The following ACACA variants were observed in gnomAD, a reference collection of about 807,000 sequenced individuals.
ACACA encodes the protein acetyl-CoA carboxylase alpha, also known as acetyl-CoA carboxylase 1.
A neutral mutation model predicts 296.1 loss-of-function variants in ACACA; 103 were observed. That is an observed-to-expected ratio of 0.35 (90% CI 0.30 to 0.41). ACACA has a LOEUF of 0.41. Among genes scored for constraint, ACACA ranks in the 10% least tolerant of loss-of-function variants. The pLI is 1.00. For synonymous variants in ACACA, 953 were observed against 1,038.6 expected (o/e 0.92, Z 1.58); for missense variants, 1,554 against 2,989.7 (o/e 0.52, Z 11.20).
At position 37,155,738 on chromosome 17, in the gene ACACA, C is replaced by T. The variant is rs1041740066; in HGVS notation, c.5392G>A (p.Val1798Ile). 4.3e-6 allele frequency: 7 copies of T among 1,611,488 alleles called. No individual in the cohort carries two copies. Among genetic ancestry groups the T allele is most frequent in the African/African-American group, 1.3e-5 (1 of 74,904 alleles). Reference sequence around the variant, plus strand: ...CAATGGACAGAGTTGAGAGCACTGACTCTCTTATAATCTTGAGGAGTCAGA... The same window carrying T: ...CAATGGACAGAGTTGAGAGCACTGATTCTCTTATAATCTTGAGGAGTCAGA... ...LYLTPQDYKR[V>I]SALNSVHCEH... Residue 1798 changes from valine to isoleucine, a missense_variant, in exon 43 of 56, where the codon GTC becomes ATC. Val to Ile is a conservative substitution (Grantham distance 29, BLOSUM62 3). Around this residue, in one of 16 missense-constraint regions of ACACA, gnomAD observed 553 missense variants for 1,043.6 expected, o/e 0.53. Coordinates refer to ENST00000616317, the MANE Select transcript of ACACA (RefSeq NM_198834.3).
rs759528448 is a variant in ACACA, at chr17:37,248,684, C to T, written c.2082-10G>A. ...AGGAAGGACTTGACCCCTGAAAGAA[C>T]GATGAGAGAGGAACTTACTACAAAG... On this transcript the variant is annotated splice_polypyrimidine_tract_variant and intron_variant, in intron 16 of 55. Coordinates refer to ENST00000616317, the MANE Select transcript of ACACA (RefSeq NM_198834.3). The T allele has an allele frequency of 1.3e-5, 20 of 1,587,080 alleles. No individual in the cohort carries two copies. Among genetic ancestry groups the T allele is most frequent in the Middle Eastern group, 1.7e-4 (1 of 6,006 alleles).
At chr17:37,244,193 T>A (rs1290378047) in intron 21 of ACACA, among the ~76,000 whole-genome samples, 1 of 145,552 alleles carries the variant, frequency 6.9e-6, no homozygotes, top group East Asian at 2.0e-4. Flanking sequence ...AAACCCCACC[T>A]CTACTAAAAA....
rs1262587798 is a variant in ACACA at position 37,101,947 on chromosome 17, C to T, written c.6566-3963G>A. Among the ~76,000 whole-genome samples, 5 of 147,002 alleles carry T rather than the reference C, an allele frequency of 3.4e-5. No homozygotes were observed. In the Middle Eastern group the frequency reaches 9.6e-3, roughly 283 times the overall value. On this transcript the variant is annotated intron_variant, in intron 52 of 55. Transcript: ENST00000616317. Reference sequence around the variant, plus strand: ...CCATTTATTGAGCATTTACCACTCACTGCACTCAAATCTTTCAGGATCACA... The same window carrying T: ...CCATTTATTGAGCATTTACCACTCATTGCACTCAAATCTTTCAGGATCACA...
chr17:37,126,131 T>C (rs2074773925), intron 47 of ACACA, among the ~76,000 whole-genome samples: 1 of 152,248 alleles, frequency 6.6e-6, no homozygotes, highest in African/African-American at 2.4e-5. Context: ...GTCAAAAGGC[T>C]GCCAAGTCAT....
At chr17:37,268,741 C>CTATCTATATATATA (rs1219982787) in intron 10 of ACACA, among the ~76,000 whole-genome samples, 39 of 94,494 alleles carry the variant, frequency 4.1e-4, no homozygotes, top group Admixed American at 1.0e-3. Flanking sequence ...ATCTATCTAT[C>CTATCTATATATATA]TATATATATA....
At chr17:37,095,048 T>C (rs1860753222) in intron 54 of ACACA, among the ~76,000 whole-genome samples, 1 of 152,220 alleles carries the variant, frequency 6.6e-6, no homozygotes, top group Non-Finnish European at 1.5e-5. Context: ...AGCAGGATGC[T>C]AGGGAAAAGC....
chr17:37,248,223 C>T, intron 17 of ACACA, 67 bp from the exon 18 acceptor site: 2 of 1,579,480 alleles, frequency 1.3e-6, no homozygotes, highest in Non-Finnish European at 8.7e-7. Flanking sequence ...AATTTGAATG[C>T]TTCAAAAATA....
rs2081304713 is a variant in ACACA at position 37,258,281 on chromosome 17, A to G, written c.1593T>C (p.Asp531=). ...PWGDSPIDFE[D]SAHVPCPRGH... is the part of the protein sequence containing the mutation. ...CCCTTGGACAAGGAACGTGTGCAGA[A>G]TCTTCAAAATCAATGGGAGAATCAC... The change falls in exon 13 of 56, where the codon GAT becomes GAC. Residue 531 remains aspartate (D), a synonymous_variant. Coordinates refer to ENST00000616317, the MANE Select transcript of ACACA (RefSeq NM_198834.3). 4 of 1,614,158 alleles carry G rather than the reference A, an allele frequency of 2.5e-6. No individual in the cohort carries two copies. Among genetic ancestry groups the G allele is most frequent in the Middle Eastern group, 1.7e-4 (1 of 6,060 alleles).
intron 8 of ACACA, chr17:37,274,774 G>A: frequency 3.8e-6 from 2 of 520,824 alleles, no homozygotes; most frequent in Non-Finnish European, 4.9e-6. Flanking sequence ...TCAGCCATAA[G>A]GGGAACACTA....
At chr17:37,266,076 T>C (rs1450489442) in intron 10 of ACACA, among the ~76,000 whole-genome samples, 1 of 152,146 alleles carries the variant, frequency 6.6e-6, no homozygotes, top group Non-Finnish European at 1.5e-5. Context: ...TGCATAGACC[T>C]CTCTATACTT....
chr17:37,206,794 C>A lies in ACACA; in HGVS notation c.3937G>T (p.Asp1313Tyr). 5 of 1,610,036 alleles carry A rather than the reference C, an allele frequency of 3.1e-6. No individual in the cohort carries two copies. Among genetic ancestry groups the A allele is most frequent in the Non-Finnish European group, 4.3e-6 (5 of 1,176,380 alleles). ...AAGGGACATTATACCTTATCCTCATCATAAAGAGACGTGTGACCTGCCTCA... is the reference window on the plus strand; with the variant it reads ...AAGGGACATTATACCTTATCCTCATAATAAAGAGACGTGTGACCTGCCTCA... ...FPEAGHTSLY[D>Y]EDKVPRDEPI... Residue 1313 changes from aspartate to tyrosine, a missense_variant, in exon 32 of 56, where the codon GAT becomes TAT. By Grantham distance (160) the Asp-to-Tyr change is radical (BLOSUM62 -3). Coordinates refer to ENST00000616317, the MANE Select transcript of ACACA (RefSeq NM_198834.3).
intron 29 of ACACA, among the ~76,000 whole-genome samples, chr17:37,214,797 G>A (rs1195075404): frequency 1.3e-5 from 2 of 152,158 alleles, no homozygotes; most frequent in African/African-American, 4.8e-5. Context: ...AGCAAGCACT[G>A]TAAGATTTCA....
intron 39 of ACACA, among the ~76,000 whole-genome samples, chr17:37,187,188 T>C (rs1205267618): frequency 1.3e-5 from 2 of 152,234 alleles, no homozygotes; most frequent in African/African-American, 4.8e-5. Flanking sequence ...TCTCATAGGA[T>C]AGATTTCTCT....
At chr17:37,101,237 G>C (rs988967020) in intron 52 of ACACA, among the ~76,000 whole-genome samples, 3 of 152,206 alleles carry the variant, frequency 2.0e-5, no homozygotes, top group Non-Finnish European at 4.4e-5. Flanking sequence ...AACAATAGGT[G>C]AATTTGAGAA....
intron 41 of ACACA, among the ~76,000 whole-genome samples, chr17:37,166,936 T>C (rs1229559278): frequency 2.0e-5 from 3 of 152,062 alleles, no homozygotes; most frequent in South Asian, 2.1e-4. Flanking sequence ...TTATAGCTAA[T>C]GTGAATTGTT....
chr17:37,382,033 T>C (rs2050315414), intron 1 of ACACA, among the ~76,000 whole-genome samples: 1 of 152,212 alleles, frequency 6.6e-6, no homozygotes, highest in Admixed American at 6.5e-5. Flanking sequence ...TATATTCTTC[T>C]TTTTTCTCTT....
intron 5 of ACACA, among the ~76,000 whole-genome samples, chr17:37,281,570 G>A (rs916074736): frequency 4.6e-5 from 7 of 152,158 alleles, no homozygotes; most frequent in Non-Finnish European, 1.0e-4. Context: ...AGAAATGAAT[G>A]AGGAAAAAGA....
chr17:37,125,807 A>C lies in ACACA; in HGVS notation c.5945-13T>G, dbSNP rs17848781. On this transcript the variant is annotated splice_polypyrimidine_tract_variant and intron_variant, in intron 47 of 55. Coordinates refer to ENST00000616317, the MANE Select transcript of ACACA (RefSeq NM_198834.3). ...TGACCTTTTTGGGCTACAGAAGGGAAAGAAAGAAAACAGAGAATAAGGACA... is the reference window on the plus strand; with the variant it reads ...TGACCTTTTTGGGCTACAGAAGGGACAGAAAGAAAACAGAGAATAAGGACA... 6.2e-7 allele frequency: 1 copy of C among 1,600,840 alleles called. No individual in the cohort carries two copies. The highest frequency in any genetic ancestry group is 1.7e-5 in the Admixed American group (1 of 59,906).
rs540491060 is a variant in ACACA at position 37,265,672 on chromosome 17, T to C, written c.1120-1778A>G. 9.8e-5 allele frequency among the ~76,000 whole-genome samples: 15 copies of C among 152,342 alleles called. No individual in the cohort carries two copies. In the East Asian group the frequency reaches 2.5e-3, roughly 25 times the overall value. On this transcript the variant is annotated intron_variant, in intron 10 of 55. Transcript: ENST00000616317. ...TTCTGAAATCCAGATAGGTACATGC[T>C]GTCAGATTCCCTTACTCCAGGGTCA...
Sources: allele counts gnomAD v4.1 joint callset (sites outside exome capture counted in the v4.1 genomes callset), GRCh38; gene constraint gnomAD v4.1.1; regional missense constraint gnomAD v4.1.1; transcripts MANE v1.5; gene names NCBI Gene and HGNC (gene_info 2026-07-23, HGNC 2026-07-21).